LRRC18: variants seen among roughly 807,000 people sequenced by gnomAD.
LRRC18 encodes the protein leucine rich repeat containing 18.
In LRRC18, 12 loss-of-function variants were observed where a neutral mutation model predicts 11.2. The observed-to-expected ratio is 1.07, with a 90% CI of 0.69 to 1.74. LRRC18 has a LOEUF of 1.74. LRRC18 is among the 40% of genes most tolerant of loss of function. The probability of loss-of-function intolerance (pLI) is 0.00; values close to 1 mark genes in which losing one functional copy is unlikely to be tolerated. For missense variants in LRRC18, 374 were observed against 330.5 expected (o/e 1.13, Z -1.02); for synonymous variants, 155 against 130.6 (o/e 1.19, Z -1.27).
the LRRC18 span, among the ~76,000 whole-genome samples, chr10:48,920,729 A>G: frequency 1.8e-3 from 271 of 152,354 alleles, 1 homozygote; most frequent in African/African-American, 6.3e-3. Flanking sequence ...GTTCTTATGC[A>G]CAGATGTCAT....
the LRRC18 span, among the ~76,000 whole-genome samples, chr10:48,937,695 A>G: frequency 6.6e-6 from 1 of 152,240 alleles, no homozygotes; most frequent in African/African-American, 2.4e-5. Flanking sequence ...CGTTAGGGAA[A>G]TGAAAAGCGA....
At chr10:48,923,828 A>G in the LRRC18 span, among the ~76,000 whole-genome samples, 7 of 152,158 alleles carry the variant, frequency 4.6e-5, no homozygotes, top group Non-Finnish European at 1.5e-5. Flanking sequence ...ATCTAAGATA[A>G]AATTCAGCTC....
At chr10:48,922,476 A>G in the LRRC18 span, among the ~76,000 whole-genome samples, 4 of 152,258 alleles carry the variant, frequency 2.6e-5, no homozygotes, top group Non-Finnish European at 5.9e-5. Flanking sequence ...TAACATCTAC[A>G]GCAAGAATGA....
upstream of LRRC18, among the ~76,000 whole-genome samples, chr10:48,915,085 A>T (rs919626436): frequency 3.3e-5 from 5 of 152,142 alleles, no homozygotes; most frequent in African/African-American, 1.2e-4. Flanking sequence ...CTCTACTCAC[A>T]ATCTTCTTAA....
the LRRC18 span, among the ~76,000 whole-genome samples, chr10:48,935,612 G>GCTCTTT: frequency 6.6e-6 from 1 of 152,148 alleles, no homozygotes; most frequent in Non-Finnish European, 1.5e-5. Flanking sequence ...GTTTTTGAGA[G>GCTCTTT]GGCTGTCTTT....
At chr10:48,911,302 A>G (rs1837979637) in intron 1 of LRRC18, among the ~76,000 whole-genome samples, 1 of 152,214 alleles carries the variant, frequency 6.6e-6, no homozygotes, top group South Asian at 2.1e-4. Context: ...ATGCCGGGAA[A>G]TGGGTTCTCT....
chr10:48,925,867 G>C, the LRRC18 span, among the ~76,000 whole-genome samples: 1 of 152,196 alleles, frequency 6.6e-6, no homozygotes, highest in Non-Finnish European at 1.5e-5. Flanking sequence ...CAAACATGCT[G>C]CTGGGCCCTT....
the LRRC18 span, among the ~76,000 whole-genome samples, chr10:48,928,465 G>A: frequency 2.6e-5 from 4 of 151,536 alleles, no homozygotes; most frequent in Admixed American, 2.0e-4. Flanking sequence ...GGGGAACCTG[G>A]ACTCCAGGTG....
upstream of LRRC18, among the ~76,000 whole-genome samples, chr10:48,916,564 A>T (rs1464603939): frequency 1.3e-5 from 2 of 152,192 alleles, no homozygotes; most frequent in African/African-American, 4.8e-5. Context: ...CTAGAGGCAG[A>T]AACAGTTGCA....
exon 1 of LRRC18, chr10:48,913,930 G>T: frequency 6.2e-7 from 1 of 1,614,114 alleles, no homozygotes; most frequent in Non-Finnish European, 8.5e-7. Flanking sequence ...TCCAGCCACC[G>T]GAGGTTCTGG....
At chr10:48,910,104 T>C in exon 2 of LRRC18, 1 of 803,910 alleles carries the variant, frequency 1.2e-6, no homozygotes, top group Non-Finnish European at 2.1e-6. Flanking sequence ...GTCGGTGGCT[T>C]GGCCAGCTCC....
At chr10:48,914,587 AC>A (rs1838332488), upstream of LRRC18, among the ~76,000 whole-genome samples, 1 of 152,014 alleles carries the variant, frequency 6.6e-6, no homozygotes, top group Non-Finnish European at 1.5e-5. Flanking sequence ...CCCTTCCTAG[AC>A]CCCTGCATTA....
chr10:48,912,914 C>A (rs1395353377), intron 1 of LRRC18, among the ~76,000 whole-genome samples: 1 of 152,198 alleles, frequency 6.6e-6, no homozygotes, highest in African/African-American at 2.4e-5. Context: ...CTGTCCCCTA[C>A]CCAACACCAA....
chr10:48,913,400 T>C, exon 1 of LRRC18: 1 of 1,610,768 alleles, frequency 6.2e-7, no homozygotes, highest in Non-Finnish European at 8.5e-7. Context: ...ACCTCCAGTC[T>C]TCCCAGGAGT....
the LRRC18 span, among the ~76,000 whole-genome samples, chr10:48,936,618 A>T: frequency 6.6e-6 from 1 of 151,694 alleles, no homozygotes; most frequent in Non-Finnish European, 1.5e-5. Context: ...AGGGTGGATC[A>T]CAAGGTCTGG....
At chr10:48,939,463 A>T in the LRRC18 span, among the ~76,000 whole-genome samples, 2 of 152,288 alleles carry the variant, frequency 1.3e-5, no homozygotes, top group Non-Finnish European at 1.5e-5. Flanking sequence ...TAGAATTTAG[A>T]TCCAGGTGTC....
chr10:48,920,635 T>C, the LRRC18 span, among the ~76,000 whole-genome samples: 7 of 152,234 alleles, frequency 4.6e-5, no homozygotes, highest in African/African-American at 1.7e-4. Context: ...TCACTATGTC[T>C]GTTCAGTATT....
chr10:48,918,476 G>A (rs1180507962), upstream of LRRC18, among the ~76,000 whole-genome samples: 1 of 152,104 alleles, frequency 6.6e-6, no homozygotes, highest in African/African-American at 2.4e-5. Flanking sequence ...TTTACAGGAA[G>A]TAAGACCATT....
the LRRC18 span, among the ~76,000 whole-genome samples, chr10:48,926,094 GC>G: frequency 6.6e-6 from 1 of 152,098 alleles, no homozygotes; most frequent in African/African-American, 2.4e-5. Flanking sequence ...TCCCTCTGTT[GC>G]CTGTGCTCCC....
Sources: allele counts gnomAD v4.1 joint callset (sites outside exome capture counted in the v4.1 genomes callset), GRCh38; gene constraint gnomAD v4.1.1; transcripts MANE v1.5; gene names NCBI Gene and HGNC (gene_info 2026-07-23, HGNC 2026-07-21).